ADGRL2: variants seen among roughly 807,000 people sequenced by gnomAD.
The protein encoded by ADGRL2 is adhesion G protein-coupled receptor L2, also known as calcium-independent alpha-latrotoxin receptor 2.
Under a neutral mutation model 157.4 loss-of-function variants are expected in ADGRL2, and 44 were observed. The ratio of observed to expected loss-of-function variants is 0.28; its 90% CI spans 0.22 to 0.36. The LOEUF (loss-of-function observed/expected upper bound fraction) is 0.36. ADGRL2 is among the 10% of genes least tolerant of loss of function. ADGRL2 has a pLI of 1.00. For synonymous variants in ADGRL2, 585 were observed against 624.7 expected, an observed-to-expected ratio of 0.94 and a Z score of 0.95; for missense variants, 1,510 against 1,768.9, an observed-to-expected ratio of 0.85 and a Z score of 2.63.
At chr1:81,482,272 T>C (rs1317398738) in intron 2 of ADGRL2, among the ~76,000 whole-genome samples, 5 of 152,370 alleles carry the variant, frequency 3.3e-5, no homozygotes, top group Non-Finnish European at 5.9e-5. Context: ...TAAAGCACCG[T>C]ATGTTTCTGC....
intron 1 of ADGRL2, among the ~76,000 whole-genome samples, chr1:81,362,397 T>C (rs1278358929): frequency 6.6e-6 from 1 of 151,784 alleles, no homozygotes; most frequent in African/African-American, 2.4e-5. Context: ...TCTTTTGATT[T>C]TTTTTTTCTT....
intron 3 of ADGRL2, among the ~76,000 whole-genome samples, chr1:81,929,071 C>T (rs1439416301): frequency 6.6e-6 from 1 of 152,012 alleles, no homozygotes; most frequent in African/African-American, 2.4e-5. Context: ...TTTAAGCAAA[C>T]TTTAATTTTT....
intron 1 of ADGRL2, among the ~76,000 whole-genome samples, chr1:81,314,132 G>A (rs1659946015): frequency 6.6e-6 from 1 of 152,148 alleles, no homozygotes; most frequent in South Asian, 2.1e-4. Context: ...AATCATGAAA[G>A]TACATGCTTG....
chr1:81,839,140 C>T (rs1371839658), intron 2 of ADGRL2, among the ~76,000 whole-genome samples: 1 of 152,016 alleles, frequency 6.6e-6, no homozygotes, highest in African/African-American at 2.4e-5. Flanking sequence ...TAACCTTCAG[C>T]TATTGAGTTT....
chr1:81,351,926 T>A (rs1662923215), intron 1 of ADGRL2, among the ~76,000 whole-genome samples: 1 of 152,192 alleles, frequency 6.6e-6, no homozygotes, highest in Non-Finnish European at 1.5e-5. Context: ...TTTCAAGCAA[T>A]TTGAAAGCCA....
chr1:81,572,781 A>G (rs1185603128), intron 2 of ADGRL2, among the ~76,000 whole-genome samples: 3 of 152,066 alleles, frequency 2.0e-5, no homozygotes, highest in Non-Finnish European at 4.4e-5. Flanking sequence ...TTCTTTTTTC[A>G]CTGTAGAACT....
chr1:81,661,582 A>C (rs2082650960), intron 3 of ADGRL2, among the ~76,000 whole-genome samples: 1 of 152,200 alleles, frequency 6.6e-6, no homozygotes, highest in South Asian at 2.1e-4. Context: ...ACTTTTTTAA[A>C]AAATGACCTT....
chr1:81,589,145 A>C (rs1242255220), intron 3 of ADGRL2, among the ~76,000 whole-genome samples: 5 of 152,210 alleles, frequency 3.3e-5, no homozygotes. Flanking sequence ...ATAGGATGCC[A>C]TCTCTAAGCT....
At chr1:81,317,363 C>T (rs1275528174) in intron 1 of ADGRL2, among the ~76,000 whole-genome samples, 1 of 152,176 alleles carries the variant, frequency 6.6e-6, no homozygotes, top group East Asian at 1.9e-4. Flanking sequence ...TTTCATCCCT[C>T]AGAACTCTCC....
intron 1 of ADGRL2, among the ~76,000 whole-genome samples, chr1:81,729,320 T>C (rs1342803978): frequency 6.6e-6 from 1 of 152,142 alleles, no homozygotes; most frequent in Non-Finnish European, 1.5e-5. Flanking sequence ...TTTCTAAAGT[T>C]TATTTTTTGT....
chr1:81,306,281 T>A (rs1223508839), exon 1 of ADGRL2: 25 of 152,188 alleles, frequency 1.6e-4, no homozygotes, highest in Admixed American at 1.6e-3. Context: ...GTGGAGATAA[T>A]CCATGCAAAT....
chr1:81,805,588 T>A (rs1321267739), intron 1 of ADGRL2, among the ~76,000 whole-genome samples: 1 of 151,928 alleles, frequency 6.6e-6, no homozygotes, highest in African/African-American at 2.4e-5. Flanking sequence ...TGTAATCGGA[T>A]GATCCTTTTT....
intron 1 of ADGRL2, among the ~76,000 whole-genome samples, chr1:81,321,691 T>TATA (rs1660511456): frequency 6.6e-6 from 1 of 152,192 alleles, no homozygotes; most frequent in Non-Finnish European, 1.5e-5. Context: ...TGGCTCATGG[T>TATA]GTTCCTGAAG....
At chr1:81,424,292 C>G (rs60770321) in intron 1 of ADGRL2, among the ~76,000 whole-genome samples, 1 of 152,090 alleles carries the variant, frequency 6.6e-6, no homozygotes, top group African/African-American at 2.4e-5. Context: ...ACAGGAGGCA[C>G]GAAGGAAGTG....
intron 1 of ADGRL2, among the ~76,000 whole-genome samples, chr1:81,372,162 A>G (rs2076171322): frequency 6.6e-6 from 1 of 152,230 alleles, no homozygotes; most frequent in African/African-American, 2.4e-5. Flanking sequence ...AGAACCTTAC[A>G]AATTCTACAT....
intron 2 of ADGRL2, among the ~76,000 whole-genome samples, chr1:81,484,088 G>C (rs1202899042): frequency 6.6e-6 from 1 of 151,968 alleles, no homozygotes; most frequent in Non-Finnish European, 1.5e-5. Context: ...ATACCTTCTG[G>C]GGGCTACTTA....
At chr1:81,818,001 A>G (rs981267254) in intron 1 of ADGRL2, among the ~76,000 whole-genome samples, 2 of 145,358 alleles carry the variant, frequency 1.4e-5, no homozygotes, top group Non-Finnish European at 3.0e-5. Flanking sequence ...CGTTTCTACC[A>G]GAAATTAAAA....
At chr1:81,398,010 A>G (rs1015315442) in intron 1 of ADGRL2, among the ~76,000 whole-genome samples, 1 of 152,134 alleles carries the variant, frequency 6.6e-6, no homozygotes, top group Non-Finnish European at 1.5e-5. Flanking sequence ...CGGGGTGCAT[A>G]TATTTTTGTA....
intron 1 of ADGRL2, among the ~76,000 whole-genome samples, chr1:81,809,887 A>G (rs916360158): frequency 1.3e-5 from 2 of 151,924 alleles, no homozygotes; most frequent in Non-Finnish European, 2.9e-5. Context: ...AAATATATCT[A>G]TATCTCCTGC....
Sources: allele counts gnomAD v4.1 joint callset (sites outside exome capture counted in the v4.1 genomes callset), GRCh38; gene constraint gnomAD v4.1.1; transcripts MANE v1.5; gene names NCBI Gene and HGNC (gene_info 2026-07-23, HGNC 2026-07-21).